The following PRKAR2A variants were observed in gnomAD, a reference collection of about 807,000 sequenced individuals.
PRKAR2A encodes cAMP-dependent protein kinase type II-alpha regulatory subunit.
PRKAR2A carries 29 observed loss-of-function variants against 51.9 expected under a neutral mutation model. That is an observed-to-expected ratio of 0.56 (90% CI 0.42 to 0.76). The LOEUF is 0.76. PRKAR2A is among the 30% of genes least tolerant of loss of function. PRKAR2A has a pLI of 0.00. For synonymous variants in PRKAR2A, 178 were observed against 186.2 expected (o/e 0.96, Z 0.36); for missense variants, 445 against 512.1 (o/e 0.87, Z 1.26).
intron 6 of PRKAR2A, among the ~76,000 whole-genome samples, chr3:48,768,381 A>C (rs567419164): frequency 6.6e-6 from 1 of 152,212 alleles, no homozygotes; most frequent in South Asian, 2.1e-4. Context: ...ACACACACAC[A>C]CACATACATA....
intron 4 of PRKAR2A, among the ~76,000 whole-genome samples, chr3:48,788,056 A>G (rs1463359160): frequency 6.6e-6 from 1 of 152,038 alleles, no homozygotes; most frequent in African/African-American, 2.4e-5. Context: ...TTTGAGATGG[A>G]ATCTCATTCT....
intron 2 of PRKAR2A, among the ~76,000 whole-genome samples, chr3:48,800,157 G>A (rs1181531682): frequency 6.6e-6 from 1 of 151,264 alleles, no homozygotes; most frequent in Non-Finnish European, 1.5e-5. Context: ...CACGTCGGCC[G>A]ACAAAGGAGG....
rs183063387 is a variant in PRKAR2A, at chr3:48,791,509, G to A, written c.352-882C>T. Among the ~76,000 whole-genome samples the A allele has an allele frequency of 1.9e-3, 271 of 141,798 alleles. 1 individual carries two copies. The highest frequency in any genetic ancestry group is 8.3e-3 in the Middle Eastern group (2 of 240). The allele number at this position is 141,798 out of a possible 152,430, so 93.0% of individuals were successfully genotyped here. ...CTCGGGATGCTGAGGTAGGAGAATCGTCTGAACCAGGAAGTTGGAGGTTGC... is the reference window on the plus strand; with the variant it reads ...CTCGGGATGCTGAGGTAGGAGAATCATCTGAACCAGGAAGTTGGAGGTTGC... On this transcript the variant is annotated intron_variant, in intron 3 of 10. Transcript: ENST00000265563.
intron 4 of PRKAR2A, among the ~76,000 whole-genome samples, chr3:48,790,018 A>G (rs1355665934): frequency 6.6e-6 from 1 of 151,412 alleles, no homozygotes; most frequent in African/African-American, 2.4e-5. Flanking sequence ...TATTTTTGGC[A>G]TATCCGAATT....
intron 6 of PRKAR2A, among the ~76,000 whole-genome samples, chr3:48,767,465 C>T (rs557917199): frequency 3.3e-5 from 5 of 151,474 alleles, no homozygotes; most frequent in East Asian, 3.9e-4. Context: ...GGTAACAGAG[C>T]GAGACCCTGC....
chr3:48,752,910 C>G (rs907236128), intron 9 of PRKAR2A, among the ~76,000 whole-genome samples: 1 of 139,918 alleles, frequency 7.1e-6, no homozygotes, highest in Non-Finnish European at 1.5e-5. Flanking sequence ...TAGTGGTTCC[C>G]TCCTCCTTTT....
rs59163654 is a variant in PRKAR2A at position 48,752,916 on chromosome 3, C to CTTTTTTTTTTTTTTT, written c.940-614_940-600dup. On this transcript the variant is annotated intron_variant, in intron 9 of 10. Coordinates refer to ENST00000265563, the MANE Select transcript of PRKAR2A (RefSeq NM_004157.4). ...ACCTTAAGTTAGTGGTTCCCTCCTCCTTTTTTTTTTTTTTTTTTTTTTTTT... is the reference window on the plus strand; with the variant it reads ...ACCTTAAGTTAGTGGTTCCCTCCTCCTTTTTTTTTTTTTTTTTTTTTTTTTTTTTTTTTTTTTTTT... 6.3e-5 allele frequency among the ~76,000 whole-genome samples: 3 copies of CTTTTTTTTTTTTTTT among 47,540 alleles called. 1 individual carries two copies. The highest frequency in any genetic ancestry group is 1.1e-4 in the Non-Finnish European group (3 of 28,388). 31.2% of individuals were successfully genotyped at this position (47,540 alleles called of 152,430 possible).
intron 1 of PRKAR2A, among the ~76,000 whole-genome samples, chr3:48,819,052 G>T (rs2082918055): frequency 6.6e-6 from 1 of 151,752 alleles, no homozygotes; most frequent in South Asian, 2.1e-4. Flanking sequence ...GCCCAGGCTG[G>T]AGTGCAGTGG....
At chr3:48,823,355 C>T (rs1191373267) in intron 1 of PRKAR2A, among the ~76,000 whole-genome samples, 1 of 151,800 alleles carries the variant, frequency 6.6e-6, no homozygotes, top group Non-Finnish European at 1.5e-5. Context: ...AGCCCTCAAC[C>T]TGTGAGATCT....
At chr3:48,845,610 A>G (rs1329392888) in intron 1 of PRKAR2A, among the ~76,000 whole-genome samples, 1 of 152,216 alleles carries the variant, frequency 6.6e-6, no homozygotes, top group African/African-American at 2.4e-5. Flanking sequence ...AACCAAGGAA[A>G]CTGTAATAGC....
At position 48,829,590 on chromosome 3, in the gene PRKAR2A, A is replaced by ACACACACATAAATGTGTGTGTATACGTG. The variant is rs1477522468; in HGVS notation, c.262+17744_262+17745insCACGTATACACACACATTTATGTGTGTG. On this transcript the variant is annotated intron_variant, in intron 1 of 10. Transcript: ENST00000265563. The stretch of plus-strand genomic sequence containing the variant: ...CACACATAAATATATATGTGTGTAT[A>ACACACACATAAATGTGTGTGTATACGTG]TATACACACACATAAATGTGTGTGT... 3.4e-4 allele frequency among the ~76,000 whole-genome samples: 12 copies of ACACACACATAAATGTGTGTGTATACGTG among 35,644 alleles called. 2 individuals carry two copies. Among genetic ancestry groups the ACACACACATAAATGTGTGTGTATACGTG allele is most frequent in the South Asian group, 2.9e-3 (3 of 1,050 alleles). The allele number at this position is 35,644 out of a possible 152,430, so 23.4% of individuals were successfully genotyped here.
intron 5 of PRKAR2A, among the ~76,000 whole-genome samples, chr3:48,776,164 A>G (rs1232256921): frequency 6.6e-6 from 1 of 152,158 alleles, no homozygotes; most frequent in Admixed American, 6.6e-5. Flanking sequence ...GATTGGCAAT[A>G]ATTGCTAAGG....
intron 1 of PRKAR2A, among the ~76,000 whole-genome samples, chr3:48,808,118 G>T (rs555561226): frequency 6.6e-6 from 1 of 150,680 alleles, no homozygotes; most frequent in East Asian, 2.0e-4. Context: ...CGCGATCTCG[G>T]CTCACTGCAA....
intron 1 of PRKAR2A, among the ~76,000 whole-genome samples, chr3:48,841,133 G>A (rs1418400653): frequency 1.1e-4 from 16 of 149,214 alleles, no homozygotes; most frequent in East Asian, 2.0e-4. Flanking sequence ...TGATCCGCCC[G>A]CCTCGGCCCC....
At chr3:48,776,499 T>C (rs947316300) in intron 5 of PRKAR2A, among the ~76,000 whole-genome samples, 1 of 152,168 alleles carries the variant, frequency 6.6e-6, no homozygotes, top group African/African-American at 2.4e-5. Context: ...TGACAGAGGC[T>C]AGGCATGGTG....
At chr3:48,754,324 G>A (rs2081720439) in intron 9 of PRKAR2A, among the ~76,000 whole-genome samples, 3 of 150,212 alleles carry the variant, frequency 2.0e-5, no homozygotes, top group South Asian at 4.2e-4. Context: ...TGCAACCTCC[G>A]CCTCCCGGGT....
chr3:48,840,567 CTTTTTTT>C (rs760883553), intron 1 of PRKAR2A, among the ~76,000 whole-genome samples: 2 of 69,520 alleles, frequency 2.9e-5, no homozygotes, highest in Admixed American at 2.3e-4. Flanking sequence ...TTGTTTTCAC[CTTTTTTT>C]TTTTTTTTTT....
At chr3:48,777,259 C>T (rs1021325464) in intron 5 of PRKAR2A, among the ~76,000 whole-genome samples, 7 of 152,256 alleles carry the variant, frequency 4.6e-5, no homozygotes, top group African/African-American at 1.4e-4. Flanking sequence ...CCTTTTCATA[C>T]CCTTTTACTG....
At chr3:48,809,465 G>A (rs1441908570) in intron 1 of PRKAR2A, among the ~76,000 whole-genome samples, 35 of 151,300 alleles carry the variant, frequency 2.3e-4, no homozygotes, top group Admixed American at 2.1e-3. Context: ...GCGTGGTGGC[G>A]CACTCCTGTA....
Sources: gnomAD v4.1 joint callset for allele counts (sites outside exome capture counted in the v4.1 genomes callset) on GRCh38, gnomAD v4.1.1 for gene constraint, MANE v1.5 for transcripts, NCBI Gene and HGNC (gene_info 2026-07-23, HGNC 2026-07-21) for gene names.